The following SPTB variants were observed in gnomAD, a reference collection of about 807,000 sequenced individuals.
SPTB encodes spectrin beta chain, erythrocytic.
A neutral mutation model predicts 256.2 loss-of-function variants in SPTB; 45 were observed. The observed-to-expected ratio is 0.18, with a 90% CI of 0.14 to 0.23. The LOEUF is 0.23. Ranked by LOEUF, SPTB falls within the 10% of genes least tolerant of loss-of-function variation. The pLI is 1.00. For synonymous variants in SPTB, 1,231 were observed against 1,243.1 expected, an observed-to-expected ratio of 0.99 and a Z score of 0.21; for missense variants, 2,715 against 3,040.4, an observed-to-expected ratio of 0.89 and a Z score of 2.52.
At chr14:64,767,587 C>G in intron 30 of SPTB, 76 bp downstream of exon 30, 1 of 1,571,056 alleles carries the variant, frequency 6.4e-7, no homozygotes, top group South Asian at 1.1e-5. Context: ...TAACAACTGG[C>G]CTGGAGTCCT....
Position 64,845,774 on chromosome 14 carries a change from C to G in SPTB, c.-51-22629G>C, listed in dbSNP as rs1252093976. On this transcript the variant is annotated intron_variant, in intron 1 of 35. Coordinates refer to ENST00000644917, the MANE Select transcript of SPTB (RefSeq NM_001355436.2). The surrounding 1 kb of genome is among the most constrained non-coding windows in gnomAD (Gnocchi z 4.8). Reference sequence around the variant, plus strand: ...GTTCTGCCATGGGCTCGCCTAGTCTCTTCATTGTTGAGTCAAATTATTTTC... The same window carrying G: ...GTTCTGCCATGGGCTCGCCTAGTCTGTTCATTGTTGAGTCAAATTATTTTC... 6.6e-6 allele frequency among the ~76,000 whole-genome samples: 1 copy of G among 152,094 alleles called. No individual in the cohort carries two copies. The highest frequency in any genetic ancestry group is 1.5e-5 in the Non-Finnish European group (1 of 68,028).
rs749252506 is a variant in SPTB at position 64,775,104 on chromosome 14, G to T, written c.4842+21C>A. The T allele has an allele frequency of 1.9e-6, 3 of 1,613,654 alleles. No individual in the cohort carries two copies. The highest frequency in any genetic ancestry group is 2.5e-6 in the Non-Finnish European group (3 of 1,180,024). On this transcript the variant is annotated intron_variant, in intron 23 of 35. Coordinates refer to ENST00000644917, the MANE Select transcript of SPTB (RefSeq NM_001355436.2). This position sits in a 1 kb window ranked among gnomAD's most constrained non-coding sequence, Gnocchi z 5.0. ...CCTCTCTGCCTGGGCACCCTGGCTG[G>T]TATCCCCTGCCCGAACAGACCTTGG...
chr14:64,801,659 T>A, intron 6 of SPTB, 95 bp downstream of exon 6: 1 of 1,283,504 alleles, frequency 7.8e-7, no homozygotes, highest in East Asian at 2.3e-5. Context: ...ACAGCAGAGG[T>A]CACATTTCTG....
intron 15 of SPTB, among the ~76,000 whole-genome samples, chr14:64,789,074 G>A (rs2139577001): frequency 6.6e-6 from 1 of 152,314 alleles, no homozygotes; most frequent in Admixed American, 6.5e-5. Context: ...TGCAGGCTGG[G>A]CTCAGTGGCT....
Position 64,749,476 on chromosome 14 carries a change from G to A in SPTB, c.6820-3C>T. On this transcript the variant is annotated splice_polypyrimidine_tract_variant and splice_region_variant and intron_variant, in intron 35 of 35. Coordinates refer to ENST00000644917, the MANE Select transcript of SPTB (RefSeq NM_001355436.2). This position sits in a 1 kb window ranked among gnomAD's most constrained non-coding sequence, Gnocchi z 4.7. ...TGCAGCCAGGACAGCATCTCCTCCT[G>A]CGGGGCGGAGGGTCACGGTGGAGTC... The A allele has an allele frequency of 6.3e-7, 1 of 1,599,770 alleles. No homozygotes were observed.
At chr14:64,766,664 G>C (rs747154534) in intron 32 of SPTB, 62 bp downstream of exon 32, 1 of 1,613,148 alleles carries the variant, frequency 6.2e-7, no homozygotes, top group Admixed American at 1.7e-5. Flanking sequence ...AGCCTAGTAG[G>C]GGTGAGAGGG....
rs573229857 is a variant in SPTB at position 64,825,758 on chromosome 14, C to T, written c.-51-2613G>A. ...GCCATGGCTCCGTAAATAAGTCTGC[C>T]CCAGAAAGATGAGCCTGAGCAGGCC... is the stretch of plus-strand genomic sequence containing the variant. On this transcript the variant is annotated intron_variant, in intron 1 of 35. Coordinates refer to ENST00000644917, the MANE Select transcript of SPTB (RefSeq NM_001355436.2). This position sits in a 1 kb window ranked among gnomAD's most constrained non-coding sequence, Gnocchi z 4.8. Among the ~76,000 whole-genome samples the T allele has an allele frequency of 1.3e-5, 2 of 152,340 alleles. No homozygotes were observed. Among genetic ancestry groups the T allele is most frequent in the East Asian group, 3.9e-4 (2 of 5,186 alleles).
In SPTB at chr14:64,749,216, C is replaced by T. The variant is rs1216828555; in HGVS notation, c.*90G>A. 4 of 1,473,558 alleles carry T rather than the reference C, an allele frequency of 2.7e-6. No homozygotes were observed. Among genetic ancestry groups the T allele is most frequent in the South Asian group, 1.2e-5 (1 of 82,384 alleles). 91.3% of individuals were successfully genotyped at this position (1,473,558 alleles called of 1,614,324 possible). On this transcript the variant is annotated 3_prime_UTR_variant, in exon 36 of 36. Coordinates refer to ENST00000644917, the MANE Select transcript of SPTB (RefSeq NM_001355436.2). The surrounding 1 kb of genome is among the most constrained non-coding windows in gnomAD (Gnocchi z 4.7). ...GCCCGCGACTCGACTCATCTCGATTCGACCGGCGGGCGGCGGCGAGAGGAG... is the reference window on the plus strand; with the variant it reads ...GCCCGCGACTCGACTCATCTCGATTTGACCGGCGGGCGGCGGCGAGAGGAG...
intron 1 of SPTB, among the ~76,000 whole-genome samples, chr14:64,830,334 C>CTTATTATTA: frequency 7.2e-6 from 1 of 138,580 alleles, no homozygotes; most frequent in Non-Finnish European, 1.5e-5. Context: ...ACTCTGGAGT[C>CTTATTATTA]TTATTATTAT....
At chr14:64,787,796 C>T (rs958939504) in intron 15 of SPTB, among the ~76,000 whole-genome samples, 2 of 152,188 alleles carry the variant, frequency 1.3e-5, no homozygotes, top group African/African-American at 4.8e-5. Flanking sequence ...TAAGGTCTGG[C>T]GGATGCCTGG....
At position 64,823,718 on chromosome 14, in the gene SPTB, G is replaced by C. The variant is rs1162927822; in HGVS notation, c.-51-573C>G. ...CACTGGGGGGACTTCACTCCTCCCGGAGGCTTTCTGAGAGCCCTCTGAGTT... is the reference window on the plus strand; with the variant it reads ...CACTGGGGGGACTTCACTCCTCCCGCAGGCTTTCTGAGAGCCCTCTGAGTT... On this transcript the variant is annotated intron_variant, in intron 1 of 35. Transcript: ENST00000644917. The surrounding 1 kb of genome is among the most constrained non-coding windows in gnomAD (Gnocchi z 6.5). Among the ~76,000 whole-genome samples, 2 of 152,178 alleles carry C rather than the reference G, an allele frequency of 1.3e-5. No individual in the cohort carries two copies. Among genetic ancestry groups the C allele is most frequent in the Non-Finnish European group, 2.9e-5 (2 of 68,022 alleles).
chr14:64,869,024 TA>T lies in SPTB; in HGVS notation c.-52+10767del, dbSNP rs768819177. On this transcript the variant is annotated intron_variant, in intron 1 of 35. Transcript: ENST00000644917. ...TTTCAAATCATTAAAGATGCAGGATTAAAAAAAAAAAAAAGAAACGCTGAGA... is the reference window on the plus strand; with the variant it reads ...TTTCAAATCATTAAAGATGCAGGATTAAAAAAAAAAAAAGAAACGCTGAGA... Among the ~76,000 whole-genome samples, 919 of 139,070 alleles carry T rather than the reference TA, an allele frequency of 6.6e-3. 1 individual carries two copies. The highest frequency in any genetic ancestry group is 8.9e-3 in the African/African-American group (339 of 37,878). The allele number at this position is 139,070 out of a possible 152,430, so 91.2% of individuals were successfully genotyped here.
At chr14:64,837,214 T>C (rs2083537878) in intron 1 of SPTB, among the ~76,000 whole-genome samples, 1 of 152,204 alleles carries the variant, frequency 6.6e-6, no homozygotes, top group Admixed American at 6.5e-5. Context: ...CTTAGTCTCA[T>C]TGCTGGCCTC....
chr14:64,791,591 A>T, intron 15 of SPTB, 128 bp downstream of exon 15: 1 of 756,412 alleles, frequency 1.3e-6, no homozygotes, highest in Non-Finnish European at 2.0e-6. Context: ...AAAAAAAAAA[A>T]GACAGGAATG....
Position 64,793,002 on chromosome 14 carries a change from C to T in SPTB, c.2661G>A (p.Gln887=), listed in dbSNP as rs747235133. 6.2e-7 allele frequency: 1 copy of T among 1,613,960 alleles called. No homozygotes were observed. The highest frequency in any genetic ancestry group is 1.1e-5 in the South Asian group (1 of 91,086). The change falls in exon 14 of 36, where the codon CAG becomes CAA. Residue 887 remains glutamine (Q), a synonymous_variant. Transcript: ENST00000644917. This position sits in a 1 kb window ranked among gnomAD's most constrained non-coding sequence, Gnocchi z 7.0. ...AAAGATGAGTTAACTCTGACCTGTG[C>T]TGCACGACCTCCAGGTCCTCCAGGG... The part of the protein sequence containing the change: ...PDTLEDLEVV[Q]HRFDILDQEM...
Position 64,866,007 on chromosome 14 carries a change from A to T in SPTB, c.-52+13785T>A, listed in dbSNP as rs1482998713. Among the ~76,000 whole-genome samples the T allele has an allele frequency of 2.0e-5, 3 of 152,160 alleles. No homozygotes were observed. Among genetic ancestry groups the T allele is most frequent in the Non-Finnish European group, 4.4e-5 (3 of 68,034 alleles). On this transcript the variant is annotated intron_variant, in intron 1 of 35. Coordinates refer to ENST00000644917, the MANE Select transcript of SPTB (RefSeq NM_001355436.2). This position sits in a 1 kb window ranked among gnomAD's most constrained non-coding sequence, Gnocchi z 4.6. ...GAGAAAGGCAGAGCCTGCTCTACTG[A>T]CTCTATAAGCAGCAACCTGGATTTT...
chr14:64,775,549 A>C lies in SPTB; in HGVS notation c.4564-146T>G. The C allele has an allele frequency of 8.9e-7, 1 of 1,117,902 alleles. No individual in the cohort carries two copies. Among genetic ancestry groups the C allele is most frequent in the Non-Finnish European group, 1.2e-6 (1 of 803,510 alleles). The allele number at this position is 1,117,902 out of a possible 1,614,324, so 69.2% of individuals were successfully genotyped here. On this transcript the variant is annotated intron_variant, in intron 22 of 35. Transcript: ENST00000644917. The surrounding 1 kb of genome is among the most constrained non-coding windows in gnomAD (Gnocchi z 5.0). ...CAGGTGATGGCGATAAGAACTACCA[A>C]TGACCTCTTGCGGGCTGCTAAGCAC...
chr14:64,751,301 G>A (rs1484854333), intron 33 of SPTB, among the ~76,000 whole-genome samples: 1 of 151,714 alleles, frequency 6.6e-6, no homozygotes, highest in East Asian at 1.9e-4. Context: ...TGTATTTTTA[G>A]TAGGGACAGG....
In SPTB at chr14:64,769,131, A is replaced by G. The variant is rs1455905009; in HGVS notation, c.5938-13T>C. On this transcript the variant is annotated splice_polypyrimidine_tract_variant and intron_variant, in intron 28 of 35. Coordinates refer to ENST00000644917, the MANE Select transcript of SPTB (RefSeq NM_001355436.2). ...GTTTCTCGCGGATCTATGGGGAGGA[A>G]AGGGAGAAAAGCTCAGGCTTGGCTC... 1 of 1,612,454 alleles carries G rather than the reference A, an allele frequency of 6.2e-7. No homozygotes were observed. The highest frequency in any genetic ancestry group is 8.5e-7 in the Non-Finnish European group (1 of 1,179,352).
Sources: gnomAD v4.1 joint callset for allele counts (sites outside exome capture counted in the v4.1 genomes callset) on GRCh38, gnomAD v4.1.1 for gene constraint, Gnocchi (gnomAD v3.1) non-coding constraint, MANE v1.5 for transcripts, NCBI Gene and HGNC (gene_info 2026-07-23, HGNC 2026-07-21) for gene names.